The following PLEKHG5 variants were observed in gnomAD, a reference collection of about 807,000 sequenced individuals.
PLEKHG5 encodes pleckstrin homology and RhoGEF domain containing G5.
Under a neutral mutation model 103.8 loss-of-function variants are expected in PLEKHG5, and 52 were observed. The observed-to-expected ratio is 0.50, with a 90% CI of 0.40 to 0.63. The LOEUF is 0.63. Among genes scored for constraint, PLEKHG5 ranks in the 30% least tolerant of loss-of-function variants. The pLI is 0.00. For missense variants in PLEKHG5, 1,205 were observed against 1,347.6 expected (o/e 0.89, Z 1.66); for synonymous variants, 592 against 575.5 (o/e 1.03, Z -0.41).
intron 1 of PLEKHG5, among the ~76,000 whole-genome samples, chr1:6,508,675 C>T (rs566186350): frequency 3.3e-5 from 5 of 152,344 alleles, no homozygotes; most frequent in Non-Finnish European, 5.9e-5. Context: ...GCTCTTGGTG[C>T]CTTCAGGGAC....
intron 1 of PLEKHG5, among the ~76,000 whole-genome samples, chr1:6,516,909 C>T (rs1341188930): frequency 4.0e-5 from 5 of 126,352 alleles, no homozygotes; most frequent in African/African-American, 1.9e-4. Flanking sequence ...TATATATACA[C>T]ACACACACAC....
chr1:6,513,648 G>A (rs545457197), intron 1 of PLEKHG5, among the ~76,000 whole-genome samples: 153 of 152,336 alleles, frequency 1.0e-3, no homozygotes, highest in African/African-American at 3.5e-3. Flanking sequence ...GTCTGTCCAA[G>A]GAACAAAGGC....
chr1:6,479,558 T>C (rs1354229972), intron 1 of PLEKHG5, among the ~76,000 whole-genome samples: 1 of 152,064 alleles, frequency 6.6e-6, no homozygotes, highest in African/African-American at 2.4e-5. Flanking sequence ...AGTGCTGGGA[T>C]TACACGCGTG....
At chr1:6,469,909 C>T (rs1236776641) in intron 16 of PLEKHG5, among the ~76,000 whole-genome samples, 1 of 152,192 alleles carries the variant, frequency 6.6e-6, no homozygotes, top group South Asian at 2.1e-4. Context: ...TTGAAGTCAC[C>T]GTGTGCAAGC....
intron 1 of PLEKHG5, among the ~76,000 whole-genome samples, chr1:6,513,633 G>T (rs1570008501): frequency 6.6e-6 from 1 of 152,208 alleles, no homozygotes; most frequent in Non-Finnish European, 1.5e-5. Context: ...CCTCTCGAGG[G>T]CCAAGTCTGT....
chr1:6,498,146 T>C (rs1452927369), upstream of PLEKHG5, among the ~76,000 whole-genome samples: 1 of 152,200 alleles, frequency 6.6e-6, no homozygotes, highest in Non-Finnish European at 1.5e-5. Context: ...GCCAAGAGTC[T>C]GCGGGGGCTC....
At chr1:6,512,455 G>A (rs984019445) in intron 1 of PLEKHG5, among the ~76,000 whole-genome samples, 1 of 152,164 alleles carries the variant, frequency 6.6e-6, no homozygotes, top group Non-Finnish European at 1.5e-5. Flanking sequence ...CCGGGCTACC[G>A]AGTGTGTGGG....
intron 1 of PLEKHG5, among the ~76,000 whole-genome samples, chr1:6,515,996 A>G (rs951220993): frequency 6.6e-6 from 1 of 152,238 alleles, no homozygotes; most frequent in African/African-American, 2.4e-5. Flanking sequence ...CTGGATGACA[A>G]TCTGGAAATG....
At position 6,511,490 on chromosome 1, in the gene PLEKHG5, C is replaced by T. The variant is rs114842841; in HGVS notation, c.-165+7955G>A. On this transcript the variant is annotated intron_variant, in intron 1 of 21. Transcript: ENST00000377740. ...TGGAGCCTGGCAAGCCCGAGAGAAA[C>T]GTCTGAAGGGGGCTGGCGGTCACCC... is the stretch of plus-strand genomic sequence containing the variant. Among the ~76,000 whole-genome samples the T allele has an allele frequency of 6.0e-3, 909 of 152,356 alleles. 3 individuals are homozygous for T. Among genetic ancestry groups the T allele is most frequent in the African/African-American group, 0.011 (452 of 41,588 alleles).
intron 1 of PLEKHG5, among the ~76,000 whole-genome samples, chr1:6,483,278 G>A (rs958400661): frequency 2.0e-5 from 3 of 152,168 alleles, no homozygotes; most frequent in Admixed American, 2.0e-4. Flanking sequence ...GCAGGTGGCT[G>A]GGGACAGGAT....
chr1:6,474,263 T>C, intron 6 of PLEKHG5, 99 bp from the exon 7 acceptor site: 28 of 1,473,166 alleles, frequency 1.9e-5, no homozygotes, highest in Non-Finnish European at 2.5e-5. Flanking sequence ...AAGGCCTGCC[T>C]GCCCTCCCCC....
At chr1:6,515,912 C>T (rs1235702429) in intron 1 of PLEKHG5, among the ~76,000 whole-genome samples, 1 of 152,158 alleles carries the variant, frequency 6.6e-6, no homozygotes, top group African/African-American at 2.4e-5. Context: ...ACTAGTCATG[C>T]CCCTCATATC....
chr1:6,496,817 G>A, upstream of PLEKHG5: 1 of 568,784 alleles, frequency 1.8e-6, no homozygotes. Context: ...GAAATACGCT[G>A]CTCTCTCCCT....
At chr1:6,516,952 A>G (rs1318569234) in intron 1 of PLEKHG5, among the ~76,000 whole-genome samples, 5 of 149,414 alleles carry the variant, frequency 3.3e-5, no homozygotes, top group African/African-American at 1.2e-4. Context: ...TGCTTATAAA[A>G]GTAATACCTC....
At chr1:6,479,162 C>G (rs1644837290) in intron 1 of PLEKHG5, among the ~76,000 whole-genome samples, 1 of 152,082 alleles carries the variant, frequency 6.6e-6, no homozygotes, top group African/African-American at 2.4e-5. Context: ...GAAACTGAAC[C>G]TTGATATATA....
rs1398980726 is a variant in PLEKHG5 at position 6,472,567 on chromosome 1, G to A, written c.1040C>T (p.Thr347Met). The A allele has an allele frequency of 6.2e-6, 10 of 1,613,684 alleles. No individual in the cohort carries two copies. Among genetic ancestry groups the A allele is most frequent in the Non-Finnish European group, 7.6e-6 (9 of 1,179,856 alleles). ...QQEAVWELLH[T>M]EASYIRKLRV... ...CAGTTTCCTGATGTAGGAGGCCTCCGTGTGCAGCAGCTCCCACACCGCCTC... is the reference window on the plus strand; with the variant it reads ...CAGTTTCCTGATGTAGGAGGCCTCCATGTGCAGCAGCTCCCACACCGCCTC... The change falls in exon 10 of 21, where the codon ACG (threonine) becomes ATG (methionine). Residue 347 changes from threonine (T) to methionine (M), a missense_variant. By Grantham distance (81) the Thr-to-Met change is moderately conservative. Coordinates refer to ENST00000377728, the MANE Select transcript of PLEKHG5 (RefSeq NM_020631.6).
In PLEKHG5 at chr1:6,477,963, C is replaced by T. The variant is rs1275239215; in HGVS notation, c.-87-305G>A. Among the ~76,000 whole-genome samples, 3 of 152,204 alleles carry T rather than the reference C, an allele frequency of 2.0e-5. No homozygotes were observed. In the East Asian group the frequency reaches 5.8e-4, roughly 29 times the overall value. On this transcript the variant is annotated intron_variant, in intron 1 of 20. Coordinates refer to ENST00000377728, the MANE Select transcript of PLEKHG5 (RefSeq NM_020631.6). ...TGGCTTGATCTCGGCTCACTGCAAC[C>T]TCCGCCTCCTGGTTTCACGCAATTC...
At chr1:6,481,425 G>A (rs1436073949) in intron 1 of PLEKHG5, among the ~76,000 whole-genome samples, 1 of 152,078 alleles carries the variant, frequency 6.6e-6, no homozygotes, top group Non-Finnish European at 1.5e-5. Flanking sequence ...CAGCTACGCG[G>A]GAGGCTGAAG....
At chr1:6,510,254 C>G (rs948572744) in intron 1 of PLEKHG5, among the ~76,000 whole-genome samples, 1 of 152,094 alleles carries the variant, frequency 6.6e-6, no homozygotes, top group Non-Finnish European at 1.5e-5. Context: ...TTCTTCTGGC[C>G]AGGCCCTCCC....
Sources: gnomAD v4.1 joint callset for allele counts (sites outside exome capture counted in the v4.1 genomes callset) on GRCh38, gnomAD v4.1.1 for gene constraint, MANE v1.5 for transcripts, NCBI Gene and HGNC (gene_info 2026-07-23, HGNC 2026-07-21) for gene names.